MTMR7: variants seen among roughly 807,000 people sequenced by gnomAD.
The protein encoded by MTMR7 is myotubularin related protein 7.
In MTMR7, 76 loss-of-function variants were observed where a neutral mutation model predicts 81.2. The ratio of observed to expected loss-of-function variants is 0.94; its 90% CI spans 0.78 to 1.13. MTMR7 has a LOEUF of 1.13. Among genes scored for constraint, MTMR7 ranks in the 50% most tolerant of loss-of-function variants. MTMR7 has a pLI of 0.00. For synonymous variants in MTMR7, 372 were observed against 289.8 expected (o/e 1.28, Z -2.88); for missense variants, 1,044 against 820.0 (o/e 1.27, Z -3.34).
chr8:17,342,882 G>A (rs959533687), intron 5 of MTMR7, among the ~76,000 whole-genome samples: 8 of 152,138 alleles, frequency 5.3e-5, no homozygotes, highest in East Asian at 3.9e-4. Context: ...GTATGGGCAC[G>A]GCAGACAGAA....
Position 17,373,481 on chromosome 8 carries a change from T to TAG in MTMR7, c.25-243_25-242dup, listed in dbSNP as rs1266540098. 4.6e-5 allele frequency among the ~76,000 whole-genome samples: 7 copies of TAG among 152,200 alleles called. No individual in the cohort carries two copies. In the East Asian group the frequency reaches 1.3e-3, roughly 29 times the overall value. On this transcript the variant is annotated intron_variant, in intron 1 of 13. Coordinates refer to ENST00000180173, the MANE Select transcript of MTMR7 (RefSeq NM_004686.5). ...GTTTAAAGGTACCACAAAAGATGTGTAGATCCTATTAAGAATACCCTCTCT... is the reference window on the plus strand; with the variant it reads ...GTTTAAAGGTACCACAAAAGATGTGTAGAGATCCTATTAAGAATACCCTCTCT...
chr8:17,366,070 G>T (rs1475461876), intron 3 of MTMR7, among the ~76,000 whole-genome samples: 1 of 152,114 alleles, frequency 6.6e-6, no homozygotes, highest in South Asian at 2.1e-4. Context: ...TTCACTCTCA[G>T]ATAACCCCAC....
At chr8:17,331,643 T>G (rs1819009034) in intron 6 of MTMR7, among the ~76,000 whole-genome samples, 1 of 152,218 alleles carries the variant, frequency 6.6e-6, no homozygotes, top group Non-Finnish European at 1.5e-5. Context: ...ACCGGTAGGT[T>G]GGCAGAAGAA....
intron 1 of MTMR7, among the ~76,000 whole-genome samples, chr8:17,392,797 G>A (rs898125788): frequency 1.3e-5 from 2 of 152,246 alleles, no homozygotes; most frequent in African/African-American, 4.8e-5. Context: ...GGAGGTGAAT[G>A]AGTAGGTCAA....
At chr8:17,372,983 C>T in intron 2 of MTMR7, 135 bp downstream of exon 2, 2 of 1,039,516 alleles carry the variant, frequency 1.9e-6, no homozygotes, top group Non-Finnish European at 2.8e-6. Flanking sequence ...TCCAAACACA[C>T]ATTCCAGAAA....
At chr8:17,407,144 T>TACACACACTATAC (rs1821610296) in intron 1 of MTMR7, among the ~76,000 whole-genome samples, 1 of 151,848 alleles carries the variant, frequency 6.6e-6, no homozygotes, top group African/African-American at 2.4e-5. Context: ...GCTATTGAAA[T>TACACACACTATAC]ACACACACTA....
intron 1 of MTMR7, among the ~76,000 whole-genome samples, chr8:17,386,244 G>A (rs1265384885): frequency 6.6e-6 from 1 of 152,148 alleles, no homozygotes; most frequent in Non-Finnish European, 1.5e-5. Flanking sequence ...CAAGCATGGT[G>A]GCACATGCCT....
intron 3 of MTMR7, among the ~76,000 whole-genome samples, chr8:17,363,418 G>A (rs1585091915): frequency 6.6e-6 from 1 of 152,314 alleles, no homozygotes; most frequent in East Asian, 1.9e-4. Flanking sequence ...AAAGGTAGAA[G>A]AAGAAAAACA....
chr8:17,342,539 T>G (rs7005753), intron 5 of MTMR7, among the ~76,000 whole-genome samples: 71,714 of 151,976 alleles, frequency 0.47, 20,064 homozygotes, highest in African/African-American at 0.77. Flanking sequence ...TGTCTTTGAA[T>G]CCCAACCCAG....
intron 7 of MTMR7, among the ~76,000 whole-genome samples, chr8:17,325,036 A>G (rs1332686148): frequency 2.0e-5 from 3 of 152,130 alleles, no homozygotes; most frequent in African/African-American, 4.8e-5. Flanking sequence ...GGCTGAGTCC[A>G]TCTTCCATTT....
At chr8:17,324,638 G>A (rs926254044) in intron 7 of MTMR7, among the ~76,000 whole-genome samples, 1 of 152,214 alleles carries the variant, frequency 6.6e-6, no homozygotes, top group Non-Finnish European at 1.5e-5. Context: ...AAATGACCAT[G>A]TCGATAGCCA....
intron 6 of MTMR7, among the ~76,000 whole-genome samples, chr8:17,337,832 T>A (rs1232727170): frequency 6.6e-6 from 1 of 152,186 alleles, no homozygotes; most frequent in Admixed American, 6.5e-5. Flanking sequence ...TTGCCCAGGC[T>A]GGTGTCTCCC....
rs1817159265 is a variant in MTMR7, at chr8:17,302,158, TC to T, written c.1615del (p.Glu539LysfsTer12). 1 of 1,614,168 alleles carries T rather than the reference TC, an allele frequency of 6.2e-7. No individual in the cohort carries two copies. The highest frequency in any genetic ancestry group is 8.5e-7 in the Non-Finnish European group (1 of 1,179,988). ...QQLEEELEAL[E>X]ERLEKIQKVQ... is the part of the protein sequence containing the mutation. Reference sequence around the variant, plus strand: ...AACAAAGCAAGTATGTCTTACTTCTTCCAGGGCCTCTAGTTCTTCCTCTAGC... The same window carrying T: ...AACAAAGCAAGTATGTCTTACTTCTTCAGGGCCTCTAGTTCTTCCTCTAGC... On this transcript the variant is annotated frameshift_variant, in exon 13 of 14. Coordinates refer to ENST00000180173, the MANE Select transcript of MTMR7 (RefSeq NM_004686.5). LOFTEE classifies it high-confidence loss of function.
chr8:17,334,542 G>C (rs1248997865), intron 6 of MTMR7, among the ~76,000 whole-genome samples: 1 of 151,232 alleles, frequency 6.6e-6, no homozygotes, highest in Non-Finnish European at 1.5e-5. Context: ...AAAATACCCT[G>C]TTTCCTAACA....
chr8:17,340,015 G>A (rs11203844), intron 6 of MTMR7, among the ~76,000 whole-genome samples: 11,443 of 152,200 alleles, frequency 0.075, 769 homozygotes, highest in East Asian at 0.31. Context: ...GCAATGGCAC[G>A]ATCTCGGCTC....
intron 1 of MTMR7, among the ~76,000 whole-genome samples, chr8:17,404,857 G>C (rs1030603460): frequency 1.3e-5 from 2 of 152,140 alleles, no homozygotes; most frequent in East Asian, 1.9e-4. Flanking sequence ...ACGGAGTCTT[G>C]CTCTGTAGCC....
chr8:17,330,860 A>G (rs1390337119), intron 7 of MTMR7, among the ~76,000 whole-genome samples: 1 of 152,206 alleles, frequency 6.6e-6, no homozygotes, highest in African/African-American at 2.4e-5. Flanking sequence ...ATGGGGATCA[A>G]ACTAACATTA....
In MTMR7 at chr8:17,332,563, T is replaced by A. The variant is rs374571385; in HGVS notation, c.733-1281A>T. Among the ~76,000 whole-genome samples, 45 of 152,260 alleles carry A rather than the reference T, an allele frequency of 3.0e-4. 1 individual carries two copies. The highest frequency in any genetic ancestry group is 9.9e-4 in the African/African-American group (41 of 41,548). ...TATATCATGATGAGCCCATTGGAAG[T>A]TGAAAATGCCGTAAGTGAAAAGTGC... is the stretch of plus-strand genomic sequence containing the variant. On this transcript the variant is annotated intron_variant, in intron 6 of 13. Coordinates refer to ENST00000180173, the MANE Select transcript of MTMR7 (RefSeq NM_004686.5).
intron 4 of MTMR7, among the ~76,000 whole-genome samples, chr8:17,350,065 T>C (rs925021284): frequency 7.2e-5 from 11 of 152,242 alleles, no homozygotes; most frequent in South Asian, 2.1e-4. Flanking sequence ...GCAACAGTGA[T>C]AGCAGTTGAG....
Sources: allele counts gnomAD v4.1 joint callset (sites outside exome capture counted in the v4.1 genomes callset), GRCh38; gene constraint gnomAD v4.1.1; transcripts MANE v1.5; gene names NCBI Gene and HGNC (gene_info 2026-07-23, HGNC 2026-07-21).